The following RSPO2 variants were observed in gnomAD, a reference collection of about 807,000 sequenced individuals.
RSPO2 encodes the protein R-spondin-2.
A neutral mutation model predicts 30.9 loss-of-function variants in RSPO2; 14 were observed. That is an observed-to-expected ratio of 0.45 (90% CI 0.30 to 0.71). The LOEUF (loss-of-function observed/expected upper bound fraction) is 0.71, where lower values mean the gene tolerates loss of function less well. Among genes scored for constraint, RSPO2 ranks in the 30% least tolerant of loss-of-function variants. The pLI is 0.08. For missense variants in RSPO2, 264 were observed against 301.9 expected (o/e 0.87, Z 0.93); for synonymous variants, 107 against 96.4 (o/e 1.11, Z -0.64).
Position 107,900,917 on chromosome 8 carries a change from CA to C in RSPO2, c.*157del, listed in dbSNP as rs1554625206. ...GATTCAAATCAAAGCATAAATAACA[CA>C]GGGGCCATGCTGGTGGTGCTTCCTT... On this transcript the variant is annotated 3_prime_UTR_variant, in exon 6 of 6. Coordinates refer to ENST00000276659, the MANE Select transcript of RSPO2 (RefSeq NM_178565.5). The C allele has an allele frequency of 1.4e-6, 1 of 717,916 alleles. No homozygotes were observed. Among genetic ancestry groups the C allele is most frequent in the Non-Finnish European group, 2.3e-6 (1 of 436,164 alleles). 44.5% of individuals were successfully genotyped at this position (717,916 alleles called of 1,614,324 possible).
Position 107,974,592 on chromosome 8 carries a change from G to A in RSPO2, c.284-13775C>T, listed in dbSNP as rs183604584. Reference sequence around the variant, plus strand: ...AATATCAGTATTCTTAGATGTCAAGGCCACTCTGCTACTGAGTAATTATGT... The same window carrying A: ...AATATCAGTATTCTTAGATGTCAAGACCACTCTGCTACTGAGTAATTATGT... On this transcript the variant is annotated intron_variant, in intron 3 of 5. Coordinates refer to ENST00000276659, the MANE Select transcript of RSPO2 (RefSeq NM_178565.5). Among the ~76,000 whole-genome samples the A allele has an allele frequency of 3.7e-4, 57 of 152,214 alleles. 1 individual carries two copies. The highest frequency in any genetic ancestry group is 1.4e-3 in the African/African-American group (57 of 41,538).
chr8:108,078,232 G>A (rs1213120046), intron 2 of RSPO2, among the ~76,000 whole-genome samples: 2 of 152,128 alleles, frequency 1.3e-5, no homozygotes, highest in Non-Finnish European at 2.9e-5. Flanking sequence ...TAAGATGTTA[G>A]TTTGAGCACA....
At chr8:107,929,494 C>T (rs1184389288) in intron 5 of RSPO2, among the ~76,000 whole-genome samples, 1 of 152,076 alleles carries the variant, frequency 6.6e-6, no homozygotes, top group African/African-American at 2.4e-5. Flanking sequence ...CATAACAGCA[C>T]CCAAGCAAGC....
At chr8:107,912,144 T>C (rs551809941) in intron 5 of RSPO2, among the ~76,000 whole-genome samples, 2 of 152,250 alleles carry the variant, frequency 1.3e-5, no homozygotes, top group East Asian at 3.9e-4. Flanking sequence ...GATGCTTATT[T>C]TTCAGCTGAG....
chr8:108,041,607 A>C (rs2130657434), intron 2 of RSPO2, among the ~76,000 whole-genome samples: 1 of 152,316 alleles, frequency 6.6e-6, no homozygotes, highest in South Asian at 2.1e-4. Flanking sequence ...ATGAGAGAAA[A>C]GATTAGTGGG....
rs548759934 is a variant in RSPO2 at position 108,072,080 on chromosome 8, A to T, written c.94+10465T>A. Among the ~76,000 whole-genome samples the T allele has an allele frequency of 4.6e-5, 7 of 152,284 alleles. No individual in the cohort carries two copies. In the South Asian group the frequency reaches 1.5e-3, roughly 32 times the overall value. ...AGATGATATGTCATTTGGTCATAGGATATTAATCTCCTATGATTCGGTTAA... is the reference window on the plus strand; with the variant it reads ...AGATGATATGTCATTTGGTCATAGGTTATTAATCTCCTATGATTCGGTTAA... On this transcript the variant is annotated intron_variant, in intron 2 of 5. Transcript: ENST00000276659.
intron 2 of RSPO2, among the ~76,000 whole-genome samples, chr8:108,008,778 C>A (rs1439770559): frequency 4.4e-5 from 6 of 137,032 alleles, no homozygotes; most frequent in African/African-American, 1.6e-4. Flanking sequence ...CTAAAAAGGT[C>A]ATAAACTGCA....
intron 4 of RSPO2, among the ~76,000 whole-genome samples, chr8:107,959,923 A>G (rs532404043): frequency 1.3e-5 from 2 of 152,328 alleles, no homozygotes; most frequent in African/African-American, 4.8e-5. Flanking sequence ...AGGGAAGTAA[A>G]GTCTAATACA....
chr8:108,018,178 G>C (rs1269524524), intron 2 of RSPO2, among the ~76,000 whole-genome samples: 2 of 152,160 alleles, frequency 1.3e-5, no homozygotes, highest in African/African-American at 4.8e-5. Flanking sequence ...AAGAATCAGA[G>C]TTAAGACAGA....
intron 5 of RSPO2, among the ~76,000 whole-genome samples, chr8:107,915,049 A>G (rs1811937476): frequency 6.6e-6 from 1 of 152,134 alleles, no homozygotes; most frequent in Non-Finnish European, 1.5e-5. Flanking sequence ...AAAATTATGG[A>G]GACTATGCAC....
At chr8:108,062,377 TAC>T (rs1030587663) in intron 2 of RSPO2, among the ~76,000 whole-genome samples, 21 of 151,828 alleles carry the variant, frequency 1.4e-4, no homozygotes, top group Admixed American at 1.4e-3. Context: ...CCCACAGAAA[TAC>T]AGACTACCAT....
At chr8:108,059,717 C>T (rs200284219) in intron 2 of RSPO2, among the ~76,000 whole-genome samples, 5 of 148,640 alleles carry the variant, frequency 3.4e-5, no homozygotes, top group East Asian at 1.9e-4. Context: ...ATGGATGAAA[C>T]TGGAAATCAT....
intron 5 of RSPO2, among the ~76,000 whole-genome samples, chr8:107,945,335 G>A (rs1417034738): frequency 3.1e-5 from 4 of 127,086 alleles, no homozygotes; most frequent in Admixed American, 1.0e-4. Context: ...TACAAGCTCC[G>A]CCTCCCGGGT....
chr8:107,906,269 G>A (rs367562279), intron 5 of RSPO2, among the ~76,000 whole-genome samples: 1 of 151,756 alleles, frequency 6.6e-6, no homozygotes, highest in Non-Finnish European at 1.5e-5. Flanking sequence ...TAAATGTCCT[G>A]ACTACACTTT....
intron 2 of RSPO2, among the ~76,000 whole-genome samples, chr8:108,068,240 A>C (rs4735039): frequency 0.3 from 46,047 of 152,052 alleles, 7,798 homozygotes; most frequent in African/African-American, 0.46. Flanking sequence ...ACTTTAGAGG[A>C]AGAAAGGAAC....
chr8:108,067,170 A>G (rs1812698287), intron 2 of RSPO2, among the ~76,000 whole-genome samples: 2 of 152,226 alleles, frequency 1.3e-5, no homozygotes, highest in South Asian at 4.1e-4. Context: ...AGAATCAAAG[A>G]AACTTTAGGT....
chr8:108,010,120 C>G (rs1810652894), intron 2 of RSPO2, among the ~76,000 whole-genome samples: 2 of 151,476 alleles, frequency 1.3e-5, no homozygotes, highest in Non-Finnish European at 2.9e-5. Context: ...AAACCAGAGA[C>G]AAAAAAAGAC....
intron 3 of RSPO2, chr8:107,983,227 G>A: frequency 1.9e-6 from 3 of 1,577,054 alleles, no homozygotes; most frequent in Admixed American, 1.8e-5. Flanking sequence ...CAAAAAGGCT[G>A]CAGCGTATCT....
At chr8:108,036,269 T>G (rs1811591352) in intron 2 of RSPO2, among the ~76,000 whole-genome samples, 1 of 152,214 alleles carries the variant, frequency 6.6e-6, no homozygotes, top group South Asian at 2.1e-4. Flanking sequence ...CCTAGATCCC[T>G]TAAGAATTAT....
Sources: allele counts gnomAD v4.1 joint callset (sites outside exome capture counted in the v4.1 genomes callset), GRCh38; gene constraint gnomAD v4.1.1; transcripts MANE v1.5; gene names NCBI Gene and HGNC (gene_info 2026-07-23, HGNC 2026-07-21).